Variants in PARD3 observed in about 807,000 individuals in gnomAD.
PARD3 encodes partitioning defective 3 homolog.
In PARD3, 75 loss-of-function variants were observed where a neutral mutation model predicts 155.4. That is an observed-to-expected ratio of 0.48 (90% CI 0.40 to 0.58). PARD3 has a LOEUF of 0.58. Among genes scored for constraint, PARD3 ranks in the 20% least tolerant of loss-of-function variants. The probability of loss-of-function intolerance (pLI) is 0.00; values close to 1 mark genes in which losing one functional copy is unlikely to be tolerated. For missense variants in PARD3, 1,642 were observed against 1,721.7 expected (o/e 0.95, Z 0.82); for synonymous variants, 576 against 610.5 (o/e 0.94, Z 0.83).
chr10:34,317,988 T>C (rs1589157029), intron 19 of PARD3, among the ~76,000 whole-genome samples: 1 of 152,220 alleles, frequency 6.6e-6, no homozygotes, highest in African/African-American at 2.4e-5. Flanking sequence ...CAATCTTGCA[T>C]GCCTATCTGC....
chr10:34,528,370 G>C (rs909232578), intron 2 of PARD3, among the ~76,000 whole-genome samples: 13 of 152,126 alleles, frequency 8.5e-5, no homozygotes, highest in African/African-American at 3.1e-4. Context: ...AATGGAGATG[G>C]AGACACTTTA....
chr10:34,486,922 C>T (rs983110704), intron 3 of PARD3, among the ~76,000 whole-genome samples: 8 of 152,094 alleles, frequency 5.3e-5, no homozygotes, highest in African/African-American at 7.2e-5. Context: ...CTGGCAGTCA[C>T]GGATCCTCAT....
intron 2 of PARD3, among the ~76,000 whole-genome samples, chr10:34,610,090 C>A (rs576303844): frequency 6.6e-6 from 1 of 152,280 alleles, no homozygotes; most frequent in Admixed American, 6.5e-5. Flanking sequence ...ATGATAGATT[C>A]ATCCACATCT....
chr10:34,496,285 A>G (rs950561753), intron 3 of PARD3, among the ~76,000 whole-genome samples: 2 of 152,130 alleles, frequency 1.3e-5, no homozygotes, highest in African/African-American at 4.8e-5. Context: ...TTTGGCCTAC[A>G]CTTTCCATAT....
chr10:34,238,829 C>A (rs1953398725), intron 22 of PARD3, among the ~76,000 whole-genome samples: 1 of 152,158 alleles, frequency 6.6e-6, no homozygotes, highest in South Asian at 2.1e-4. Flanking sequence ...ACTGTGTCAA[C>A]CTGATTAAAA....
At chr10:34,573,730 AACAAAAACACAC>A (rs1228026196) in intron 2 of PARD3, among the ~76,000 whole-genome samples, 721 of 36,320 alleles carry the variant, frequency 0.02, 3 homozygotes, top group African/African-American at 0.082. Context: ...CAAACAAACA[AACAAAAACACAC>A]ACACACACAC....
chr10:34,359,908 C>G (rs929739558), intron 13 of PARD3, among the ~76,000 whole-genome samples, 163 bp downstream of exon 13: 1 of 152,142 alleles, frequency 6.6e-6, no homozygotes, highest in South Asian at 2.1e-4. Context: ...GGACTCCATC[C>G]CCACGTGACA....
chr10:34,736,653 A>AATTTATTT (rs71033344), intron 1 of PARD3, among the ~76,000 whole-genome samples: 17 of 146,248 alleles, frequency 1.2e-4, no homozygotes, highest in African/African-American at 2.9e-4. Context: ...TTAATTAATT[A>AATTTATTT]ATTTATTTAT....
At chr10:34,372,961 T>G (rs566561843) in intron 11 of PARD3, among the ~76,000 whole-genome samples, 56 of 152,220 alleles carry the variant, frequency 3.7e-4, no homozygotes, top group African/African-American at 1.2e-3. Context: ...AGCTTTATAC[T>G]TTAAAATGTT....
intron 12 of PARD3, among the ~76,000 whole-genome samples, chr10:34,367,131 A>T (rs1256955715): frequency 1.3e-5 from 2 of 152,222 alleles, no homozygotes; most frequent in Non-Finnish European, 2.9e-5. Context: ...AAATTGAGGG[A>T]CATTCTCAAA....
At chr10:34,305,614 G>A (rs1198373870) in intron 20 of PARD3, among the ~76,000 whole-genome samples, 3 of 152,204 alleles carry the variant, frequency 2.0e-5, no homozygotes, top group Admixed American at 2.0e-4. Flanking sequence ...CCTGAAAACA[G>A]GGAATTTCCC....
chr10:34,290,847 T>C (rs895157637), intron 20 of PARD3, among the ~76,000 whole-genome samples: 2 of 152,198 alleles, frequency 1.3e-5, no homozygotes, highest in Admixed American at 1.3e-4. Context: ...TGAGCTGGCC[T>C]CAAGATCCTG....
chr10:34,296,429 C>T (rs979593814), intron 20 of PARD3, among the ~76,000 whole-genome samples: 1 of 152,130 alleles, frequency 6.6e-6, no homozygotes. Flanking sequence ...CAAGGTCTTG[C>T]TATGTTGCCC....
At chr10:34,231,755 A>G (rs1288008548) in intron 22 of PARD3, among the ~76,000 whole-genome samples, 1 of 152,072 alleles carries the variant, frequency 6.6e-6, no homozygotes, top group Non-Finnish European at 1.5e-5. Flanking sequence ...GGCAAGGAAC[A>G]TAAGCACGCT....
At chr10:34,711,750 G>A (rs137952587) in intron 1 of PARD3, among the ~76,000 whole-genome samples, 4,083 of 152,182 alleles carry the variant, frequency 0.027, 69 homozygotes, top group Middle Eastern at 0.088. Context: ...GAGTTTCTAG[G>A]AGAATATAAT....
intron 22 of PARD3, among the ~76,000 whole-genome samples, chr10:34,135,065 G>C (rs1020201464): frequency 6.6e-6 from 1 of 152,070 alleles, no homozygotes; most frequent in Non-Finnish European, 1.5e-5. Context: ...TTTTGTGTGA[G>C]AAATATAATA....
intron 2 of PARD3, among the ~76,000 whole-genome samples, chr10:34,693,979 A>C (rs1455493777): frequency 1.3e-5 from 2 of 152,208 alleles, no homozygotes; most frequent in African/African-American, 4.8e-5. Flanking sequence ...GAAGAAAGGG[A>C]AGAGTCAGGA....
At chr10:34,446,979 A>T (rs2076771516) in intron 5 of PARD3, among the ~76,000 whole-genome samples, 1 of 152,186 alleles carries the variant, frequency 6.6e-6, no homozygotes, top group South Asian at 2.1e-4. Context: ...TAATTTTAAA[A>T]ATTAATAAAG....
At chr10:34,164,585 G>C (rs1255932823) in intron 22 of PARD3, among the ~76,000 whole-genome samples, 1 of 152,218 alleles carries the variant, frequency 6.6e-6, no homozygotes, top group Non-Finnish European at 1.5e-5. Flanking sequence ...GCAGGCGTCT[G>C]AATGAACCAG....
Sources: allele counts gnomAD v4.1 joint callset (sites outside exome capture counted in the v4.1 genomes callset), GRCh38; gene constraint gnomAD v4.1.1; transcripts MANE v1.5; gene names NCBI Gene and HGNC (gene_info 2026-07-23, HGNC 2026-07-21).